The following ZNF728 variants were observed in gnomAD, a reference collection of about 807,000 sequenced individuals.
The protein encoded by ZNF728 is zinc finger protein 728.
ZNF728 carries 12 observed loss-of-function variants against 12.5 expected under a neutral mutation model. That is an observed-to-expected ratio of 0.96 (90% confidence interval 0.61 to 1.55). The LOEUF (loss-of-function observed/expected upper bound fraction) is 1.55. ZNF728 is among the 40% of genes most tolerant of loss of function. The pLI, the probability that ZNF728 is intolerant of heterozygous loss-of-function variation, is 0.00. For synonymous variants in ZNF728, 205 were observed against 240.7 expected, an observed-to-expected ratio of 0.85 and a Z score of 1.37; for missense variants, 692 against 719.2, an observed-to-expected ratio of 0.96 and a Z score of 0.43.
rs563288533 is a variant in ZNF728, at chr19:22,977,122, T to C, written c.227-12A>G. On this transcript the variant is annotated splice_polypyrimidine_tract_variant and intron_variant, in intron 3 of 3. Transcript: ENST00000594710. The stretch of plus-strand genomic sequence containing the variant: ...ATGAGAACATATAACTGAAAAGAAA[T>C]AAAAATAACAAATTAGTCCACTTAT... 4.6e-6 allele frequency: 7 copies of C among 1,527,590 alleles called. No individual in the cohort carries two copies. The African/African-American group carries it at 7.0e-5, about 15-fold the overall frequency. The allele number at this position is 1,527,590 out of a possible 1,614,324, so 94.6% of individuals were successfully genotyped here.
In ZNF728 at chr19:22,975,500, TTC is replaced by T. The variant is rs1011217171; in HGVS notation, c.1835_1836del (p.Arg612AsnfsTer22). The T allele has an allele frequency of 1.9e-6, 3 of 1,551,360 alleles. No homozygotes were observed. Among genetic ancestry groups the T allele is most frequent in the African/African-American group, 2.8e-5 (2 of 72,556 alleles). On this transcript the variant is annotated frameshift_variant, in exon 4 of 4. Coordinates refer to ENST00000594710, the MANE Select transcript of ZNF728 (RefSeq NM_001267716.2). LOFTEE classifies it high-confidence loss of function. Reference sequence around the variant, plus strand: ...TGTAGGGTTTTTCCTCCAGTATGAATTCTCTTATGAGTAGTAAGGTGTGAGGA... The same window carrying T: ...TGTAGGGTTTTTCCTCCAGTATGAATTCTTATGAGTAGTAAGGTGTGAGGA... ...NQSSHLTTHKRIHTGGKTLQM is the reference protein window; with the variant it reads ...NQSSHLTTHKXIHTGGKTLQM
chr19:22,991,044 C>G (rs571390262), intron 1 of ZNF728, among the ~76,000 whole-genome samples: 1 of 152,300 alleles, frequency 6.6e-6, no homozygotes, highest in African/African-American at 2.4e-5. Context: ...AAATGAGGCA[C>G]AACACAGAGT....
Position 23,003,149 on chromosome 19 carries a change from T to G in ZNF728, c.-119A>C. On this transcript the variant is annotated 5_prime_UTR_variant, in exon 1 of 4. Transcript: ENST00000594710. ...GACACACAGCAGTAAGGACGACACC[T>G]TGACCTCCGCGTGCAGCGAGAGCCA... 6.5e-6 allele frequency: 8 copies of G among 1,224,604 alleles called. No individual in the cohort carries two copies. Among genetic ancestry groups the G allele is most frequent in the Non-Finnish European group, 8.9e-6 (8 of 894,410 alleles). 75.9% of individuals were successfully genotyped at this position (1,224,604 alleles called of 1,614,324 possible).
chr19:22,984,197 C>G (rs575698740), intron 3 of ZNF728, among the ~76,000 whole-genome samples: 19 of 151,642 alleles, frequency 1.3e-4, no homozygotes, highest in African/African-American at 4.6e-4. Context: ...TTTTTTAAAA[C>G]TGAAATTTTA....
In ZNF728 at chr19:22,986,979, T is replaced by C. The variant is rs115758022; in HGVS notation, c.226+329A>G. ...ACTTAAAAGATAGTTTAACATGGAG[T>C]ACCTTAAAATTATGGAAATATCTGT... On this transcript the variant is annotated intron_variant, in intron 3 of 3. Transcript: ENST00000594710. Among the ~76,000 whole-genome samples the C allele has an allele frequency of 3.3e-3, 506 of 152,112 alleles. 3 individuals are homozygous for C. The highest frequency in any genetic ancestry group is 0.012 in the African/African-American group (484 of 41,512).
Position 22,987,317 on chromosome 19 carries a change from C to A in ZNF728, c.217G>T (p.Glu73Ter). The A allele has an allele frequency of 6.2e-7, 1 of 1,610,856 alleles. No individual in the cohort carries two copies. The highest frequency in any genetic ancestry group is 8.5e-7 in the Non-Finnish European group (1 of 1,178,328). ...WNMKRHELVKEPPVICSHFAQ... is the reference protein window; with the variant it reads ...WNMKRHELVK ...ATTCATTCTCACCTACCTGGCGGTT[C>A]TTTCACCAGCTCATGTCTCTTCATA... The change falls in exon 3 of 4, where the codon GAA (glutamate) becomes TAA (stop). Residue 73 changes from glutamate (E) to a stop codon, truncating the protein, a stop_gained. Coordinates refer to ENST00000594710, the MANE Select transcript of ZNF728 (RefSeq NM_001267716.2). LOFTEE classifies it low-confidence loss of function (END_TRUNC).
At chr19:22,984,868 A>T (rs1326121945) in intron 3 of ZNF728, among the ~76,000 whole-genome samples, 1 of 152,100 alleles carries the variant, frequency 6.6e-6, no homozygotes, top group African/African-American at 2.4e-5. Context: ...TATTGCAGGC[A>T]TTAAAGTTCC....
At chr19:23,002,301 TG>T (rs1282631990) in intron 1 of ZNF728, among the ~76,000 whole-genome samples, 4 of 152,148 alleles carry the variant, frequency 2.6e-5, no homozygotes, top group Non-Finnish European at 5.9e-5. Flanking sequence ...GGCGACAGAG[TG>T]AGACTTTGTC....
intron 1 of ZNF728, among the ~76,000 whole-genome samples, chr19:22,999,038 C>T (rs1183208073): frequency 6.6e-6 from 1 of 152,190 alleles, no homozygotes; most frequent in African/African-American, 2.4e-5. Flanking sequence ...AGCCACCATA[C>T]AACCTCATTT....
At chr19:22,987,151 T>C (rs1225080586) in intron 3 of ZNF728, among the ~76,000 whole-genome samples, 157 bp downstream of exon 3, 2 of 152,156 alleles carry the variant, frequency 1.3e-5, no homozygotes, top group African/African-American at 2.4e-5. Flanking sequence ...AGACAGAAGA[T>C]GCCACTGTGT....
At chr19:23,000,963 CAT>C (rs1002359542) in intron 1 of ZNF728, among the ~76,000 whole-genome samples, 17 of 150,482 alleles carry the variant, frequency 1.1e-4, no homozygotes, top group Non-Finnish European at 1.0e-4. Flanking sequence ...ATGTCTGACT[CAT>C]GTGTCAAGTC....
chr19:22,975,221 C>T lies in ZNF728; in HGVS notation c.*247G>A, dbSNP rs539534079. Reference sequence around the variant, plus strand: ...TAGAGGCTTTCCCACATTCTTCACACGTGTATGGTTTCTCTCCAGTATGAG... The same window carrying T: ...TAGAGGCTTTCCCACATTCTTCACATGTGTATGGTTTCTCTCCAGTATGAG... On this transcript the variant is annotated 3_prime_UTR_variant, in exon 4 of 4. Transcript: ENST00000594710. Among the ~76,000 whole-genome samples, 23 of 152,092 alleles carry T rather than the reference C, an allele frequency of 1.5e-4. No homozygotes were observed. In the South Asian group the frequency reaches 2.5e-3, roughly 17 times the overall value.
intron 3 of ZNF728, among the ~76,000 whole-genome samples, chr19:22,987,059 G>T (rs191329529): frequency 1.3e-5 from 2 of 152,264 alleles, no homozygotes; most frequent in East Asian, 1.9e-4. Flanking sequence ...TGTATGCCAT[G>T]AACAGTACTT....
chr19:23,000,493 A>G (rs1199829178), intron 1 of ZNF728, among the ~76,000 whole-genome samples: 1 of 152,172 alleles, frequency 6.6e-6, no homozygotes, highest in Non-Finnish European at 1.5e-5. Context: ...TTATTTTCTG[A>G]AACTCACCTT....
At chr19:22,997,755 C>A in intron 1 of ZNF728, among the ~76,000 whole-genome samples, 1 of 149,580 alleles carries the variant, frequency 6.7e-6, no homozygotes, top group South Asian at 2.1e-4. Context: ...AAATAAACTA[C>A]TAGCTAGGTT....
intron 3 of ZNF728, among the ~76,000 whole-genome samples, chr19:22,986,104 C>A (rs925415857): frequency 6.6e-6 from 1 of 152,194 alleles, no homozygotes; most frequent in Admixed American, 6.5e-5. Flanking sequence ...ACTACAAACC[C>A]AGAGGGCATT....
chr19:22,990,165 A>C (rs1459034347), intron 1 of ZNF728, among the ~76,000 whole-genome samples: 2 of 152,202 alleles, frequency 1.3e-5, no homozygotes, highest in South Asian at 2.1e-4. Flanking sequence ...GAGGAAAAAC[A>C]CAAGTAGAGA....
At chr19:22,986,941 A>G (rs1968922800) in intron 3 of ZNF728, among the ~76,000 whole-genome samples, 1 of 152,170 alleles carries the variant, frequency 6.6e-6, no homozygotes, top group East Asian at 1.9e-4. Context: ...TTCAGAGATG[A>G]TGGAAAAAGA....
intron 3 of ZNF728, 23 bp downstream of exon 3, chr19:22,987,285 T>C (rs1968926851): frequency 6.2e-7 from 1 of 1,602,092 alleles, no homozygotes; most frequent in South Asian, 1.1e-5. Flanking sequence ...TCATCCATGT[T>C]GTCTGTATTC....
Sources: gnomAD v4.1 joint callset for allele counts (sites outside exome capture counted in the v4.1 genomes callset) on GRCh38, gnomAD v4.1.1 for gene constraint, MANE v1.5 for transcripts, NCBI Gene and HGNC (gene_info 2026-07-23, HGNC 2026-07-21) for gene names.